The following GMPPA variants were observed in gnomAD, a reference collection of about 807,000 sequenced individuals.
The protein encoded by GMPPA is mannose-1-phosphate guanylyltransferase regulatory subunit alpha.
In GMPPA, 46 loss-of-function variants were observed where a neutral mutation model predicts 58.6. That is an observed-to-expected ratio of 0.78 (90% CI 0.62 to 1.00). The LOEUF (loss-of-function observed/expected upper bound fraction) is 1.00, where lower values mean the gene tolerates loss of function less well. Among genes scored for constraint, GMPPA ranks in the 50% least tolerant of loss-of-function variants. GMPPA has a pLI of 0.00. For missense variants in GMPPA, 468 were observed against 556.4 expected (o/e 0.84, Z 1.60); for synonymous variants, 211 against 214.9 (o/e 0.98, Z 0.16).
At chr2:219,501,606 G>A (rs772906560) in intron 4 of GMPPA, 27 bp downstream of exon 4, 1 of 1,394,598 alleles carries the variant, frequency 7.2e-7, no homozygotes, top group South Asian at 1.2e-5. Flanking sequence ...TCGTATATGG[G>A]GGGGTGGGGA....
chr2:219,500,517 T>C, intron 3 of GMPPA: 4 of 438,724 alleles, frequency 9.1e-6, no homozygotes, highest in South Asian at 8.7e-5. Flanking sequence ...AGACTCTTAA[T>C]GATAACCAAG....
rs1575228366 is a variant in GMPPA at position 219,506,442 on chromosome 2, A to G, written c.1162+20A>G. ...TCCTGGGTATGGCTTCCTGGGGGCC[A>G]GGGCTGGGGGAACCCCTCAGCTGAT... On this transcript the variant is annotated intron_variant, in intron 12 of 12. Transcript: ENST00000313597. The G allele has an allele frequency of 6.2e-7, 1 of 1,603,854 alleles. No individual in the cohort carries two copies. Among genetic ancestry groups the G allele is most frequent in the Non-Finnish European group, 8.5e-7 (1 of 1,174,602 alleles).
chr2:219,500,064 C>G, intron 2 of GMPPA, 49 bp downstream of exon 2: 1 of 1,600,724 alleles, frequency 6.2e-7, no homozygotes, highest in Non-Finnish European at 8.6e-7. Context: ...GAGTGGTAGG[C>G]GGGATGGGGG....
Position 219,500,005 on chromosome 2 carries a change from C to A in GMPPA, c.30C>A (p.Gly10=), listed in dbSNP as rs777823130. The A allele has an allele frequency of 6.2e-7, 1 of 1,613,552 alleles. No homozygotes were observed. Among genetic ancestry groups the A allele is most frequent in the Admixed American group, 1.7e-5 (1 of 60,006 alleles). The part of the protein sequence containing the change: MLKAVILIG[G]PQKGTRFRPL... The stretch of plus-strand genomic sequence containing the variant: ...TCAAAGCGGTGATCCTGATTGGAGG[C>A]CCTCAAAAGGGTGAGGTGCCAGGGG... Residue 10 remains glycine, a synonymous_variant, in exon 2 of 13, where the codon GGC becomes GGA. Coordinates refer to ENST00000313597, the MANE Select transcript of GMPPA (RefSeq NM_013335.4).
intron 7 of GMPPA, 103 bp from the exon 8 acceptor site, chr2:219,505,121 TAGAG>T (rs1005262633): frequency 1.1e-5 from 14 of 1,272,074 alleles, no homozygotes; most frequent in Non-Finnish European, 1.5e-5. Context: ...GAGAGGGGCT[TAGAG>T]AGGTGGTGGG....
Position 219,502,481 on chromosome 2 carries a change from G to A in GMPPA, c.489+40G>A, listed in dbSNP as rs370918738. On this transcript the variant is annotated intron_variant, in intron 6 of 12. Transcript: ENST00000313597. The surrounding 1 kb of genome is among the most constrained non-coding windows in gnomAD (Gnocchi z 4.0). Reference sequence around the variant, plus strand: ...GGGGCTGGGTGGGTGCCTACTCTGTGTCATCATCCCCTCTACCTCAGGCCT... The same window carrying A: ...GGGGCTGGGTGGGTGCCTACTCTGTATCATCATCCCCTCTACCTCAGGCCT... The A allele has an allele frequency of 2.6e-6, 4 of 1,513,752 alleles. No individual in the cohort carries two copies. The highest frequency in any genetic ancestry group is 3.7e-6 in the Non-Finnish European group (4 of 1,089,632). 93.8% of individuals were successfully genotyped at this position (1,513,752 alleles called of 1,614,324 possible).
intron 3 of GMPPA, 42 bp from the exon 4 acceptor site, chr2:219,501,434 C>G: frequency 8.8e-7 from 1 of 1,137,728 alleles, no homozygotes; most frequent in Non-Finnish European, 1.3e-6. Flanking sequence ...ACATCCCCTC[C>G]TATTAGATAT....
In GMPPA at chr2:219,505,341, G is replaced by A. The variant is rs1694541216; in HGVS notation, c.734G>A (p.Trp245Ter). 1 of 1,613,812 alleles carries A rather than the reference G, an allele frequency of 6.2e-7. No individual in the cohort carries two copies. The highest frequency in any genetic ancestry group is 8.5e-7 in the Non-Finnish European group (1 of 1,179,984). Residue 245 changes from tryptophan to a stop codon, truncating the protein, a stop_gained, in exon 8 of 13, where the codon TGG becomes TAG. Transcript: ENST00000313597. LOFTEE classifies it high-confidence loss of function. ...QIYVHLTDGIWSQIKSAGSAL... is the reference protein window; with the variant it reads ...QIYVHLTDGI ...TACGTGCATCTCACTGATGGTATCT[G>A]GAGTCAGATCAAGTCCGCAGGGTAT...
chr2:219,500,395 C>A, intron 3 of GMPPA, 177 bp downstream of exon 3: 1 of 606,360 alleles, frequency 1.6e-6, no homozygotes. Flanking sequence ...CTGTCTTCCC[C>A]TAATCTAGTT....
At chr2:219,501,677 C>T (rs1025998371) in intron 4 of GMPPA, 98 bp downstream of exon 4, 8 of 936,676 alleles carry the variant, frequency 8.5e-6, no homozygotes, top group South Asian at 6.7e-5. Context: ...AGTTCATCCT[C>T]GCCTACTAGA....
rs1212770249 is a variant in GMPPA at position 219,506,046 on chromosome 2, A to G, written c.967A>G (p.Ile323Val). 1.3e-6 allele frequency: 2 copies of G among 1,591,894 alleles called. No homozygotes were observed. ...TGAGGGTGTGCGGCTCCGGGAGAGC[A>G]TCGTCCTCCATGGAGCCACTTTGCA... ...VGEGVRLRESIVLHGATLQEH... is the reference protein window; with the variant it reads ...VGEGVRLRESVVLHGATLQEH... The change falls in exon 11 of 13, where the codon ATC (isoleucine) becomes GTC (valine). Residue 323 changes from isoleucine (I) to valine (V), a missense_variant. By Grantham distance (29) the Ile-to-Val change is conservative (BLOSUM62 3). Transcript: ENST00000313597.
rs903900192 is a variant in GMPPA at position 219,505,772 on chromosome 2, G to T, written c.900+11G>T. 2.5e-6 allele frequency: 4 copies of T among 1,592,454 alleles called. No individual in the cohort carries two copies. Among genetic ancestry groups the T allele is most frequent in the South Asian group, 1.1e-5 (1 of 90,088 alleles). On this transcript the variant is annotated intron_variant, in intron 10 of 12. Transcript: ENST00000313597. ...GCCCCCTCGGCTGTGGTGAGCACTGGTCCCAGCCCCAGGGAGGGAAGGGTG... is the reference window on the plus strand; with the variant it reads ...GCCCCCTCGGCTGTGGTGAGCACTGTTCCCAGCCCCAGGGAGGGAAGGGTG...
rs1242064376 is a variant in GMPPA at position 219,501,983 on chromosome 2, T to C, written c.375T>C (p.Ala125=). 1 of 1,614,222 alleles carries C rather than the reference T, an allele frequency of 6.2e-7. No homozygotes were observed. The highest frequency in any genetic ancestry group is 8.5e-7 in the Non-Finnish European group (1 of 1,180,044). The change falls in exon 5 of 13, where the codon GCT becomes GCC. Residue 125 remains alanine (A), a synonymous_variant. Coordinates refer to ENST00000313597, the MANE Select transcript of GMPPA (RefSeq NM_013335.4). ...TCTGCTCCGACTTCCCCTTGAGTGC[T>C]ATGTTGGAAGCCCACCGACGCCAGC... ...ADVCSDFPLS[A]MLEAHRRQRH...
rs868230449 is a variant in GMPPA, at chr2:219,506,902, C to T, written c.*104C>T. On this transcript the variant is annotated 3_prime_UTR_variant, in exon 13 of 13. Coordinates refer to ENST00000313597, the MANE Select transcript of GMPPA (RefSeq NM_013335.4). ...AGGACCAGAGAAAGCCAGGCTGGATCGTCACATGCCGGGGAGCAATGTGGA... is the reference window on the plus strand; with the variant it reads ...AGGACCAGAGAAAGCCAGGCTGGATTGTCACATGCCGGGGAGCAATGTGGA... The T allele has an allele frequency of 2.2e-5, 15 of 676,722 alleles. No individual in the cohort carries two copies. The East Asian group carries it at 2.4e-4, about 11-fold the overall frequency. 41.9% of individuals were successfully genotyped at this position (676,722 alleles called of 1,614,324 possible).
chr2:219,502,287 C>A lies in GMPPA; in HGVS notation c.430-95C>A. 9.0e-7 allele frequency: 1 copy of A among 1,106,714 alleles called. No individual in the cohort carries two copies. The highest frequency in any genetic ancestry group is 1.4e-6 in the Non-Finnish European group (1 of 728,218). 68.6% of individuals were successfully genotyped at this position (1,106,714 alleles called of 1,614,324 possible). A position where few individuals can be genotyped will look rare whatever the true frequency, so the allele number is the denominator to read the frequency against. On this transcript the variant is annotated intron_variant, in intron 5 of 12. Coordinates refer to ENST00000313597, the MANE Select transcript of GMPPA (RefSeq NM_013335.4). This position sits in a 1 kb window ranked among gnomAD's most constrained non-coding sequence, Gnocchi z 4.0. ...TGAAGGCCTGTCAGTGGCAGAGCTG[C>A]ATGCCAGGTGCTGTAGCGGAGGGAA...
chr2:219,502,201 C>T lies in GMPPA; in HGVS notation c.429+164C>T, dbSNP rs544318789. ...AGCATGGAGGTGTTAGTGGAGACCC[C>T]GAGCCCTCTGGCTGTTCAGAAGTAG... On this transcript the variant is annotated intron_variant, in intron 5 of 12. Transcript: ENST00000313597. This position sits in a 1 kb window ranked among gnomAD's most constrained non-coding sequence, Gnocchi z 4.0. Among the ~76,000 whole-genome samples, 3 of 152,240 alleles carry T rather than the reference C, an allele frequency of 2.0e-5. No homozygotes were observed. The highest frequency in any genetic ancestry group is 6.5e-5 in the Admixed American group (1 of 15,304).
rs397518462 is a variant in GMPPA at position 219,504,138 on chromosome 2, G to A, written c.545G>A (p.Gly182Asp). Reference sequence around the variant, plus strand: ...TTTATCAGTGACATCATCAACTGCGGCATCTACCTCTTTTCTCCTGAAGCC... The same window carrying A: ...TTTATCAGTGACATCATCAACTGCGACATCTACCTCTTTTCTCCTGAAGCC... The part of the protein sequence containing the change: ...STFISDIINC[G>D]IYLFSPEALK... Residue 182 changes from glycine (G) to aspartate (D), a missense_variant, in exon 7 of 13, where the codon GGC becomes GAC. By Grantham distance (94) the Gly-to-Asp change is moderately conservative. Transcript: ENST00000313597. 2.5e-6 allele frequency: 4 copies of A among 1,613,762 alleles called. No homozygotes were observed. The South Asian group carries it at 4.4e-5, about 18-fold the overall frequency.
Position 219,506,370 on chromosome 2 carries a change from C to T in GMPPA, c.1110C>T (p.Asp370=). 1 of 1,613,752 alleles carries T rather than the reference C, an allele frequency of 6.2e-7. No homozygotes were observed. Residue 370 remains aspartate (D), a synonymous_variant, in exon 12 of 13, where the codon GAC becomes GAT. Transcript: ENST00000313597. ...PNPNDPRARM[D]SESLFKDGKL... is the part of the protein sequence containing the mutation. ...CCAACGATCCCCGAGCCCGCATGGA[C>T]AGTGAGAGCCTCTTCAAGGACGGGA... is the stretch of plus-strand genomic sequence containing the variant.
chr2:219,500,373 G>T, intron 3 of GMPPA, 155 bp downstream of exon 3: 1 of 633,402 alleles, frequency 1.6e-6, no homozygotes, highest in Non-Finnish European at 2.9e-6. Context: ...GTTATGCTGT[G>T]CAGCTGCCCT....
Sources: gnomAD v4.1 joint callset for allele counts (sites outside exome capture counted in the v4.1 genomes callset) on GRCh38, gnomAD v4.1.1 for gene constraint, Gnocchi (gnomAD v3.1) non-coding constraint, MANE v1.5 for transcripts, NCBI Gene and HGNC (gene_info 2026-07-23, HGNC 2026-07-21) for gene names.